Variants in FCHSD2 observed in about 807,000 individuals in gnomAD.
The protein encoded by FCHSD2 is FCH and double SH3 domains 2.
FCHSD2 carries 38 observed loss-of-function variants against 108.1 expected under a neutral mutation model. That is an observed-to-expected ratio of 0.35 (90% confidence interval 0.27 to 0.46). FCHSD2 has a LOEUF of 0.46. Among genes scored for constraint, FCHSD2 ranks in the 20% least tolerant of loss-of-function variants. The pLI is 1.00. For missense variants in FCHSD2, 751 were observed against 897.8 expected (o/e 0.84, Z 2.09); for synonymous variants, 279 against 314.7 (o/e 0.89, Z 1.20).
chr11:73,041,316 T>A (rs1032966414), intron 3 of FCHSD2, among the ~76,000 whole-genome samples: 1 of 152,212 alleles, frequency 6.6e-6, no homozygotes, highest in African/African-American at 2.4e-5. Flanking sequence ...CTGTTTTCCA[T>A]AGTAGCTATA....
At chr11:72,931,271 G>GT (rs143086970) in intron 8 of FCHSD2, among the ~76,000 whole-genome samples, 114,341 of 126,490 alleles carry the variant, frequency 0.9, 52,435 homozygotes, top group Non-Finnish European at 0.98. Flanking sequence ...ATTTTTGTGG[G>GT]TTTTTTTTTT....
At chr11:72,973,761 T>C (rs910459913) in intron 8 of FCHSD2, among the ~76,000 whole-genome samples, 1 of 152,258 alleles carries the variant, frequency 6.6e-6, no homozygotes, top group African/African-American at 2.4e-5. Flanking sequence ...TAAAGTTCTA[T>C]ACCAAGGGTG....
In FCHSD2 at chr11:72,838,539, C is replaced by T. The variant is rs556413217; in HGVS notation, c.*252G>A. On this transcript the variant is annotated 3_prime_UTR_variant, in exon 20 of 20. Transcript: ENST00000409418. The stretch of plus-strand genomic sequence containing the variant: ...ACTGTTAGGCATGAGGGCTGCCCCC[C>T]TCTTTGCTCCTAGGGTCCGCTAGGA... 2 of 535,052 alleles carry T rather than the reference C, an allele frequency of 3.7e-6. No homozygotes were observed. Among genetic ancestry groups the T allele is most frequent in the African/African-American group, 1.9e-5 (1 of 52,532 alleles). The allele number at this position is 535,052 out of a possible 1,614,324, so 33.1% of individuals were successfully genotyped here.
At chr11:72,928,533 C>T (rs1334169261) in intron 8 of FCHSD2, among the ~76,000 whole-genome samples, 1 of 152,276 alleles carries the variant, frequency 6.6e-6, no homozygotes, top group South Asian at 2.1e-4. Flanking sequence ...ATGGTTAACA[C>T]AGGCAACTGA....
intron 12 of FCHSD2, among the ~76,000 whole-genome samples, chr11:72,872,114 T>C (rs913928949): frequency 6.6e-6 from 1 of 152,200 alleles, no homozygotes; most frequent in South Asian, 2.1e-4. Flanking sequence ...TGGGGTATCA[T>C]ATACGTCTTT....
chr11:72,983,487 A>G (rs1397798505), intron 8 of FCHSD2, among the ~76,000 whole-genome samples: 1 of 152,098 alleles, frequency 6.6e-6, no homozygotes, highest in Admixed American at 6.5e-5. Context: ...AAAATTAAAA[A>G]AAGCTTCATA....
chr11:73,031,869 G>C (rs756228448), intron 3 of FCHSD2, among the ~76,000 whole-genome samples: 3 of 152,140 alleles, frequency 2.0e-5, no homozygotes, highest in Non-Finnish European at 4.4e-5. Context: ...GCTTTCTATA[G>C]GGAAGGCACT....
chr11:72,993,753 T>G (rs2135409863), intron 5 of FCHSD2, among the ~76,000 whole-genome samples: 1 of 121,848 alleles, frequency 8.2e-6, no homozygotes, highest in East Asian at 2.7e-4. Flanking sequence ...CACTGGGGCC[T>G]GTTGTGGGGT....
intron 8 of FCHSD2, among the ~76,000 whole-genome samples, chr11:72,946,060 G>T (rs552656070): frequency 1.4e-4 from 22 of 152,194 alleles, no homozygotes; most frequent in African/African-American, 5.3e-4. Context: ...ATACTCAAAG[G>T]ATTATAAATC....
intron 2 of FCHSD2, among the ~76,000 whole-genome samples, chr11:73,111,062 T>A (rs1390886243): frequency 6.6e-6 from 1 of 152,146 alleles, no homozygotes; most frequent in Non-Finnish European, 1.5e-5. Flanking sequence ...GGGTTTTTTT[T>A]AATGTTTTAA....
intron 6 of FCHSD2, among the ~76,000 whole-genome samples, chr11:72,987,699 C>T (rs1857336400): frequency 6.6e-6 from 1 of 152,202 alleles, no homozygotes; most frequent in Admixed American, 6.5e-5. Flanking sequence ...CGCCCCTCCA[C>T]TGTGCTCATG....
intron 3 of FCHSD2, among the ~76,000 whole-genome samples, chr11:73,040,436 G>T (rs935666727): frequency 6.6e-6 from 1 of 152,112 alleles, no homozygotes; most frequent in Non-Finnish European, 1.5e-5. Context: ...GTATGTGTCT[G>T]GTGTATATTT....
chr11:73,065,641 T>G (rs1859273182), intron 3 of FCHSD2, among the ~76,000 whole-genome samples: 1 of 152,232 alleles, frequency 6.6e-6, no homozygotes, highest in African/African-American at 2.4e-5. Flanking sequence ...CTTAAGCTGA[T>G]AAGCAACTTC....
At chr11:72,998,443 G>A (rs900591757) in intron 5 of FCHSD2, among the ~76,000 whole-genome samples, 5 of 152,136 alleles carry the variant, frequency 3.3e-5, no homozygotes, top group Non-Finnish European at 5.9e-5. Context: ...TCAGGAGACT[G>A]GGGTGGGAGG....
chr11:72,885,841 A>G (rs1855186013), intron 12 of FCHSD2, among the ~76,000 whole-genome samples: 1 of 152,170 alleles, frequency 6.6e-6, no homozygotes, highest in African/African-American at 2.4e-5. Flanking sequence ...TCAAAGAGAA[A>G]AATGACTATT....
chr11:72,857,970 C>A (rs960026794), intron 13 of FCHSD2, among the ~76,000 whole-genome samples: 2 of 152,264 alleles, frequency 1.3e-5, no homozygotes, highest in East Asian at 3.9e-4. Context: ...TCCTCAATTT[C>A]AATGACCTCG....
At chr11:73,034,520 AAT>A (rs1016539579) in intron 3 of FCHSD2, among the ~76,000 whole-genome samples, 1 of 152,248 alleles carries the variant, frequency 6.6e-6, no homozygotes, top group African/African-American at 2.4e-5. Context: ...GTACCAAGGA[AAT>A]AGAGATCAAA....
At chr11:73,103,229 G>T (rs1860264659) in intron 2 of FCHSD2, among the ~76,000 whole-genome samples, 1 of 152,004 alleles carries the variant, frequency 6.6e-6, no homozygotes, top group South Asian at 2.1e-4. Flanking sequence ...AAGGTAGATG[G>T]ATTTTATTGT....
At chr11:73,117,546 A>G (rs1045320896) in intron 2 of FCHSD2, among the ~76,000 whole-genome samples, 2 of 152,182 alleles carry the variant, frequency 1.3e-5, no homozygotes, top group South Asian at 4.1e-4. Flanking sequence ...TATATAGGGC[A>G]TTCATTTTCA....
Sources: allele counts gnomAD v4.1 joint callset (sites outside exome capture counted in the v4.1 genomes callset), GRCh38; gene constraint gnomAD v4.1.1; transcripts MANE v1.5; gene names NCBI Gene and HGNC (gene_info 2026-07-23, HGNC 2026-07-21).